The following ARHGAP40 variants were observed in gnomAD, a reference collection of about 807,000 sequenced individuals.
ARHGAP40 encodes rho GTPase-activating protein 40.
A neutral mutation model predicts 73.5 loss-of-function variants in ARHGAP40; 43 were observed. The ratio of observed to expected loss-of-function variants is 0.58; its 90% CI spans 0.46 to 0.75. ARHGAP40 has a LOEUF of 0.75. ARHGAP40 is among the 30% of genes least tolerant of loss of function. ARHGAP40 has a pLI of 0.00. For synonymous variants in ARHGAP40, 300 were observed against 352.8 expected, an observed-to-expected ratio of 0.85 and a Z score of 1.68; for missense variants, 734 against 861.8, an observed-to-expected ratio of 0.85 and a Z score of 1.86.
At chr20:38,611,716 C>T (rs572032997) in intron 1 of ARHGAP40, among the ~76,000 whole-genome samples, 43 of 152,112 alleles carry the variant, frequency 2.8e-4, no homozygotes, top group Admixed American at 7.2e-4. Flanking sequence ...GGACTACAGG[C>T]GCCCGCCACC....
intron 2 of ARHGAP40, 112 bp downstream of exon 2, chr20:38,623,670 C>A: frequency 1.1e-6 from 1 of 890,618 alleles, no homozygotes; most frequent in Non-Finnish European, 1.5e-6. Context: ...TTCTCTGTTG[C>A]CTGGACTGGT....
chr20:38,635,405 T>A (rs2088968483), intron 6 of ARHGAP40, among the ~76,000 whole-genome samples: 1 of 152,186 alleles, frequency 6.6e-6, no homozygotes. Flanking sequence ...GGCTCACACC[T>A]GTAATGCCAA....
intron 5 of ARHGAP40, among the ~76,000 whole-genome samples, chr20:38,632,207 G>A (rs1279884281): frequency 1.3e-5 from 2 of 151,350 alleles, no homozygotes; most frequent in African/African-American, 2.4e-5. Flanking sequence ...CAGGTGATCT[G>A]CCCGCCTCAG....
chr20:38,612,339 AC>A (rs1442645659), intron 1 of ARHGAP40, among the ~76,000 whole-genome samples: 1 of 152,216 alleles, frequency 6.6e-6, no homozygotes, highest in Non-Finnish European at 1.5e-5. Flanking sequence ...TTTTCCAGTA[AC>A]TGAAACAAGT....
chr20:38,640,419 G>A (rs938867204), intron 9 of ARHGAP40, among the ~76,000 whole-genome samples: 8 of 151,856 alleles, frequency 5.3e-5, no homozygotes, highest in Non-Finnish European at 7.4e-5. Flanking sequence ...CGGGGGTCTC[G>A]CTATGTCGCC....
chr20:38,629,343 A>G (rs1189169659), intron 4 of ARHGAP40, among the ~76,000 whole-genome samples, 159 bp from the exon 5 acceptor site: 1 of 152,212 alleles, frequency 6.6e-6, no homozygotes, highest in Non-Finnish European at 1.5e-5. Context: ...CTGGGCAATG[A>G]GCCTGAGCCC....
intron 1 of ARHGAP40, among the ~76,000 whole-genome samples, chr20:38,611,826 G>A (rs1374770562): frequency 6.6e-6 from 1 of 151,706 alleles, no homozygotes; most frequent in Admixed American, 6.6e-5. Flanking sequence ...CTCCCACCTC[G>A]GCCTCCCAAA....
intron 1 of ARHGAP40, among the ~76,000 whole-genome samples, chr20:38,613,686 AG>A (rs2088817079): frequency 6.6e-6 from 1 of 152,204 alleles, no homozygotes; most frequent in African/African-American, 2.4e-5. Context: ...GAACAGCTAA[AG>A]GGGGCACCCA....
At chr20:38,614,097 C>T (rs909551624) in intron 1 of ARHGAP40, among the ~76,000 whole-genome samples, 4 of 152,120 alleles carry the variant, frequency 2.6e-5, no homozygotes, top group African/African-American at 9.7e-5. Context: ...TTGCTGTGTC[C>T]CGATGTTCAG....
At chr20:38,631,596 T>G (rs2088938897) in intron 5 of ARHGAP40, among the ~76,000 whole-genome samples, 1 of 152,022 alleles carries the variant, frequency 6.6e-6, no homozygotes, top group Admixed American at 6.6e-5. Context: ...ACAGGGCCCC[T>G]CCCACAACAC....
chr20:38,628,355 A>G lies in ARHGAP40; in HGVS notation c.559-572A>G, dbSNP rs577326220. Among the ~76,000 whole-genome samples the G allele has an allele frequency of 1.0e-3, 152 of 151,308 alleles. 2 individuals carry two copies. The highest frequency in any genetic ancestry group is 3.6e-3 in the African/African-American group (147 of 41,156). On this transcript the variant is annotated intron_variant, in intron 3 of 14. Transcript: ENST00000373345. ...AGCCTCGCTCTGTCGCCCAGGCTAGAGTGCAGTGGCGACATCTCGACTCAC... is the reference window on the plus strand; with the variant it reads ...AGCCTCGCTCTGTCGCCCAGGCTAGGGTGCAGTGGCGACATCTCGACTCAC...
intron 2 of ARHGAP40, 130 bp from the exon 3 acceptor site, chr20:38,626,865 G>A: frequency 3.2e-6 from 2 of 615,912 alleles, no homozygotes; most frequent in South Asian, 3.7e-5. Flanking sequence ...GGTGTTAATA[G>A]GTCTCACGAT....
intron 1 of ARHGAP40, among the ~76,000 whole-genome samples, chr20:38,609,595 G>A (rs970052086): frequency 1.3e-5 from 2 of 152,234 alleles, no homozygotes; most frequent in African/African-American, 4.8e-5. Flanking sequence ...TAAGTGCCAG[G>A]ACATCAATGA....
At chr20:38,605,550 T>A (rs962305747) in intron 1 of ARHGAP40, among the ~76,000 whole-genome samples, 1 of 152,230 alleles carries the variant, frequency 6.6e-6, no homozygotes, top group Non-Finnish European at 1.5e-5. Flanking sequence ...GGTGACTCTG[T>A]TGGGATTCCC....
chr20:38,607,955 C>T (rs2088781577), intron 1 of ARHGAP40, among the ~76,000 whole-genome samples: 1 of 152,036 alleles, frequency 6.6e-6, no homozygotes, highest in South Asian at 2.1e-4. Context: ...TTGTTGCTTT[C>T]CAGGAACTCT....
rs1045379314 is a variant in ARHGAP40, at chr20:38,637,894, G to T, written c.1041+95G>T. The T allele has an allele frequency of 8.8e-6, 9 of 1,023,928 alleles. No homozygotes were observed. The African/African-American group carries it at 1.2e-4, about 14-fold the overall frequency. The allele number at this position is 1,023,928 out of a possible 1,614,324, so 63.4% of individuals were successfully genotyped here. ...GAGACATCCAGCAAAGGGGTGAAAG[G>T]ATGTGCTTTAGAATCAGGCAGACTT... On this transcript the variant is annotated intron_variant, in intron 7 of 14. Coordinates refer to ENST00000373345, the Ensembl canonical transcript of ARHGAP40.
At chr20:38,626,759 T>C (rs1054922527) in intron 2 of ARHGAP40, among the ~76,000 whole-genome samples, 2 of 152,134 alleles carry the variant, frequency 1.3e-5, no homozygotes, top group Non-Finnish European at 2.9e-5. Flanking sequence ...ATGTTATGGG[T>C]TGACATCCAT....
At chr20:38,636,406 G>A (rs2088975505) in intron 6 of ARHGAP40, among the ~76,000 whole-genome samples, 1 of 151,916 alleles carries the variant, frequency 6.6e-6, no homozygotes, top group Admixed American at 6.6e-5. Context: ...TGGACTGCAG[G>A]TATGTGCCAT....
chr20:38,619,955 C>G (rs1195358976), intron 1 of ARHGAP40, among the ~76,000 whole-genome samples: 8 of 152,120 alleles, frequency 5.3e-5, no homozygotes, highest in African/African-American at 1.9e-4. Flanking sequence ...GCCTATAATT[C>G]TAGCTACTTG....
Sources: gnomAD v4.1 joint callset for allele counts (sites outside exome capture counted in the v4.1 genomes callset) on GRCh38, gnomAD v4.1.1 for gene constraint, MANE v1.5 for transcripts, NCBI Gene and HGNC (gene_info 2026-07-23, HGNC 2026-07-21) for gene names.